The following SPAG1 variants were observed in gnomAD, a reference collection of about 807,000 sequenced individuals.
The protein encoded by SPAG1 is sperm-associated antigen 1.
Under a neutral mutation model 100.5 loss-of-function variants are expected in SPAG1, and 69 were observed. That is an observed-to-expected ratio of 0.69 (90% CI 0.57 to 0.84). The LOEUF (loss-of-function observed/expected upper bound fraction) is 0.84, where lower values mean the gene tolerates loss of function less well. SPAG1 is among the 40% of genes least tolerant of loss of function. SPAG1 has a pLI of 0.00. For missense variants in SPAG1, 955 were observed against 1,133.1 expected (o/e 0.84, Z 2.26); for synonymous variants, 336 against 411.6 (o/e 0.82, Z 2.22).
intron 8 of SPAG1, among the ~76,000 whole-genome samples, chr8:100,190,406 A>G (rs2077344860): frequency 6.6e-6 from 1 of 152,064 alleles, no homozygotes; most frequent in South Asian, 2.1e-4. Flanking sequence ...CTCCTTATAT[A>G]ATAGTTAATG....
chr8:100,187,350 A>G, intron 8 of SPAG1, 100 bp downstream of exon 8: 2 of 1,026,570 alleles, frequency 1.9e-6, no homozygotes, highest in Non-Finnish European at 2.6e-6. Context: ...TATTTCAGAT[A>G]AACTCAAATT....
In SPAG1 at chr8:100,233,299, TG is replaced by T. The variant is rs1335733123; in HGVS notation, c.1989-110del. On this transcript the variant is annotated intron_variant, in intron 15 of 18. Coordinates refer to ENST00000388798, the MANE Select transcript of SPAG1 (RefSeq NM_003114.5). ...TGTTAAGTTTCAATGGAAACCGCAG[TG>T]GTATAGCAACAGACATATTGAGCTA... 5.2e-6 allele frequency: 6 copies of T among 1,146,472 alleles called. No homozygotes were observed. In the Admixed American group the frequency reaches 1.3e-4, roughly 24 times the overall value. 71.0% of individuals were successfully genotyped at this position (1,146,472 alleles called of 1,614,324 possible). A position where few individuals can be genotyped will look rare whatever the true frequency, so the allele number is the denominator to read the frequency against.
chr8:100,177,000 T>G lies in SPAG1; in HGVS notation c.301-816T>G, dbSNP rs189235841. On this transcript the variant is annotated intron_variant, in intron 3 of 18. Transcript: ENST00000388798. Reference sequence around the variant, plus strand: ...ATGGTCCTTACTCTGGATTCATTTATTTTGAAATGGTGGGCAACTGCAATG... The same window carrying G: ...ATGGTCCTTACTCTGGATTCATTTAGTTTGAAATGGTGGGCAACTGCAATG... Among the ~76,000 whole-genome samples, 91 of 151,958 alleles carry G rather than the reference T, an allele frequency of 6.0e-4. No individual in the cohort carries two copies. In the East Asian group the frequency reaches 0.015, roughly 26 times the overall value.
At chr8:100,225,417 A>G (rs1328312429) in intron 14 of SPAG1, 78 bp downstream of exon 14, 1 of 1,314,724 alleles carries the variant, frequency 7.6e-7, no homozygotes, top group South Asian at 1.3e-5. Flanking sequence ...GCAGAGAGAT[A>G]AGAGCATTAA....
At chr8:100,240,869 T>C (rs757823923) in intron 18 of SPAG1, 22 bp from the exon 19 acceptor site, 1 of 1,566,676 alleles carries the variant, frequency 6.4e-7, no homozygotes, top group African/African-American at 1.4e-5. Context: ...TTTTTGTTTT[T>C]TTTTTTTTTT....
intron 10 of SPAG1, among the ~76,000 whole-genome samples, chr8:100,201,988 C>T (rs945240484): frequency 2.0e-5 from 3 of 152,142 alleles, no homozygotes; most frequent in Non-Finnish European, 4.4e-5. Context: ...TAACTTGAAA[C>T]CTGTTGGTGA....
intron 2 of SPAG1, among the ~76,000 whole-genome samples, chr8:100,162,911 T>C (rs1021422842): frequency 3.9e-5 from 6 of 152,024 alleles, no homozygotes; most frequent in Admixed American, 3.9e-4. Context: ...TGATCCCTGG[T>C]TGTGCCACTG....
intron 10 of SPAG1, among the ~76,000 whole-genome samples, chr8:100,200,822 A>T (rs1420100112): frequency 1.3e-5 from 2 of 151,936 alleles, no homozygotes; most frequent in African/African-American, 4.8e-5. Flanking sequence ...AATTTGTTTG[A>T]GTTCTTTGTA....
chr8:100,160,243 G>A (rs1815247608), intron 1 of SPAG1, among the ~76,000 whole-genome samples: 1 of 152,190 alleles, frequency 6.6e-6, no homozygotes, highest in African/African-American at 2.4e-5. Flanking sequence ...TATTATGTTA[G>A]TCCTGGAGCT....
intron 10 of SPAG1, among the ~76,000 whole-genome samples, chr8:100,203,178 T>C (rs903426448): frequency 1.3e-5 from 2 of 152,172 alleles, no homozygotes; most frequent in African/African-American, 4.8e-5. Flanking sequence ...GCAGCCTACA[T>C]CTTTCTCCCG....
Position 100,196,115 on chromosome 8 carries a change from C to T in SPAG1, c.1096+1847C>T, listed in dbSNP as rs192266307. On this transcript the variant is annotated intron_variant, in intron 10 of 18. Transcript: ENST00000388798. ...ATAGTTGTACCAAAGTTTATACATT[C>T]GGTTATTCAAGGACATTCAGGTTAT... Among the ~76,000 whole-genome samples, 793 of 152,248 alleles carry T rather than the reference C, an allele frequency of 5.2e-3. 10 individuals are homozygous for T. Among genetic ancestry groups the T allele is most frequent in the African/African-American group, 0.018 (742 of 41,538 alleles).
chr8:100,197,743 T>C (rs1817094511), intron 10 of SPAG1, among the ~76,000 whole-genome samples: 1 of 152,202 alleles, frequency 6.6e-6, no homozygotes, highest in African/African-American at 2.4e-5. Flanking sequence ...CCCTTTATGA[T>C]CTCCACTCGG....
At chr8:100,212,328 A>G (rs1469846434) in intron 10 of SPAG1, among the ~76,000 whole-genome samples, 1 of 152,240 alleles carries the variant, frequency 6.6e-6, no homozygotes, top group African/African-American at 2.4e-5. Flanking sequence ...GGAAATCTCT[A>G]TATTTAAGTA....
At chr8:100,236,883 G>C (rs1819030754) in intron 16 of SPAG1, among the ~76,000 whole-genome samples, 1 of 152,074 alleles carries the variant, frequency 6.6e-6, no homozygotes, top group Admixed American at 6.5e-5. Flanking sequence ...ACATACAATT[G>C]TTATGTATCA....
chr8:100,162,247 T>G, intron 1 of SPAG1, 32 bp from the exon 2 acceptor site: 1 of 1,489,732 alleles, frequency 6.7e-7, no homozygotes, highest in South Asian at 1.2e-5. Context: ...ATTTATACAT[T>G]AGATTAATAA....
At chr8:100,235,317 T>C (rs1210212090) in intron 16 of SPAG1, among the ~76,000 whole-genome samples, 3 of 152,166 alleles carry the variant, frequency 2.0e-5, no homozygotes, top group African/African-American at 7.2e-5. Flanking sequence ...TATGGTTACA[T>C]TTTGAGGTAC....
chr8:100,165,291 C>T (rs1586385609), intron 2 of SPAG1: 1 of 516,760 alleles, frequency 1.9e-6, no homozygotes, highest in Admixed American at 2.1e-5. Context: ...ACATTTCCAG[C>T]AGGTCTGTGC....
intron 14 of SPAG1, 69 bp downstream of exon 14, chr8:100,225,408 C>A: frequency 7.1e-7 from 1 of 1,405,582 alleles, no homozygotes. Context: ...CACAGTAAAG[C>A]AGAGAGATAA....
intron 3 of SPAG1, among the ~76,000 whole-genome samples, chr8:100,176,475 C>T (rs952433828): frequency 1.3e-5 from 2 of 151,778 alleles, no homozygotes; most frequent in Non-Finnish European, 2.9e-5. Flanking sequence ...AAGTAATTCT[C>T]CTGCCTCAGC....
Sources: allele counts gnomAD v4.1 joint callset (sites outside exome capture counted in the v4.1 genomes callset), GRCh38; gene constraint gnomAD v4.1.1; transcripts MANE v1.5; gene names NCBI Gene and HGNC (gene_info 2026-07-23, HGNC 2026-07-21).